The following RORA variants were observed in gnomAD, a reference collection of about 807,000 sequenced individuals.
RORA encodes RAR related orphan receptor A.
Under a neutral mutation model 69.5 loss-of-function variants are expected in RORA, and 7 were observed. That is an observed-to-expected ratio of 0.10 (90% CI 0.06 to 0.19). The LOEUF is 0.19. Among genes scored for constraint, RORA ranks in the 10% least tolerant of loss-of-function variants. The pLI, the probability that RORA is intolerant of heterozygous loss-of-function variation, is 1.00. For synonymous variants in RORA, 261 were observed against 240.8 expected, an observed-to-expected ratio of 1.08 and a Z score of -0.78; for missense variants, 457 against 663.0, an observed-to-expected ratio of 0.69 and a Z score of 3.41.
intron 1 of RORA, among the ~76,000 whole-genome samples, chr15:60,881,363 G>A (rs2073678264): frequency 6.6e-6 from 1 of 152,330 alleles, no homozygotes; most frequent in South Asian, 2.1e-4. Context: ...CAGCCCTGCT[G>A]GGACCCAGTG....
intron 3 of RORA, among the ~76,000 whole-genome samples, chr15:60,526,615 A>G (rs1257658139): frequency 1.3e-5 from 2 of 152,256 alleles, no homozygotes; most frequent in Admixed American, 6.5e-5. Context: ...TGTGTATAAC[A>G]GAACCGAAAC....
chr15:60,642,392 A>G (rs900062157), intron 2 of RORA, among the ~76,000 whole-genome samples: 57 of 152,230 alleles, frequency 3.7e-4, no homozygotes, highest in African/African-American at 1.4e-3. Flanking sequence ...ACTGAAAGGC[A>G]GAGTTGGTCC....
chr15:60,504,203 C>T (rs972147836), intron 6 of RORA, among the ~76,000 whole-genome samples: 1 of 152,196 alleles, frequency 6.6e-6, no homozygotes, highest in Non-Finnish European at 1.5e-5. Flanking sequence ...TGTGCACCTA[C>T]TATGAGCTAG....
chr15:61,128,321 A>T lies in RORA; in HGVS notation c.166+100732T>A, dbSNP rs2079160937. ...ATTATTAGCTTACCTTTATTTTTTAAACTGCAAATACAGAAAGAAAAAAAA... is the reference window on the plus strand; with the variant it reads ...ATTATTAGCTTACCTTTATTTTTTATACTGCAAATACAGAAAGAAAAAAAA... On this transcript the variant is annotated intron_variant, in intron 1 of 10. Coordinates refer to ENST00000335670, the MANE Select transcript of RORA (RefSeq NM_134261.3). The surrounding 1 kb of genome is among the most constrained non-coding windows in gnomAD (Gnocchi z 4.5). 1.3e-5 allele frequency among the ~76,000 whole-genome samples: 2 copies of T among 152,120 alleles called. No individual in the cohort carries two copies. The highest frequency in any genetic ancestry group is 2.9e-5 in the Non-Finnish European group (2 of 68,020).
intron 2 of RORA, among the ~76,000 whole-genome samples, chr15:60,587,488 G>A (rs200952586): frequency 6.6e-6 from 1 of 152,126 alleles, no homozygotes; most frequent in Non-Finnish European, 1.5e-5. Flanking sequence ...CTTGTTTCAC[G>A]TTATCAGATG....
chr15:60,853,631 G>A (rs1396556994), intron 1 of RORA, among the ~76,000 whole-genome samples: 1 of 152,188 alleles, frequency 6.6e-6, no homozygotes, highest in African/African-American at 2.4e-5. Context: ...ACCTGGACAG[G>A]CCTTGATACA....
chr15:60,488,887 TA>T lies in RORA; in HGVS notation c.*8567del, dbSNP rs1483295640. On this transcript the variant is annotated 3_prime_UTR_variant, in exon 11 of 11. Transcript: ENST00000335670. ...GAATCAGCATTTCATGTGGTCTTTTTAAATGTGGCTTTAATACTTGGTTGTA... is the reference window on the plus strand; with the variant it reads ...GAATCAGCATTTCATGTGGTCTTTTTAATGTGGCTTTAATACTTGGTTGTA... 6.6e-6 allele frequency: 1 copy of T among 152,260 alleles called. No homozygotes were observed. The highest frequency in any genetic ancestry group is 1.9e-4 in the East Asian group (1 of 5,200). The allele number at this position is 152,260 out of a possible 1,614,324, so 9.4% of individuals were successfully genotyped here. A position where few individuals can be genotyped will look rare whatever the true frequency, so the allele number is the denominator to read the frequency against.
At chr15:60,893,957 T>A (rs1891152478) in intron 1 of RORA, among the ~76,000 whole-genome samples, 1 of 152,180 alleles carries the variant, frequency 6.6e-6, no homozygotes, top group African/African-American at 2.4e-5. Flanking sequence ...TCTGGGCCCC[T>A]TCATCTTCTT....
rs73422074 is a variant in RORA at position 60,570,021 on chromosome 15, G to A, written c.197-38170C>T. Among the ~76,000 whole-genome samples, 996 of 152,280 alleles carry A rather than the reference G, an allele frequency of 6.5e-3. 12 individuals are homozygous for A. The highest frequency in any genetic ancestry group is 0.023 in the African/African-American group (943 of 41,554). ...ATCAGATTAAAAGGATAGGAAAAAC[G>A]AGAGAAAAGTAAGACAATGTGAGCG... On this transcript the variant is annotated intron_variant, in intron 2 of 10. Coordinates refer to ENST00000335670, the MANE Select transcript of RORA (RefSeq NM_134261.3).
rs1220132798 is a variant in RORA, at chr15:60,490,786, G to A, written c.*6669C>T. ...TTTGGAAACAAGAATATTGTTAAAGGTGCCATAAAAATGGACAACACTGAA... is the reference window on the plus strand; with the variant it reads ...TTTGGAAACAAGAATATTGTTAAAGATGCCATAAAAATGGACAACACTGAA... On this transcript the variant is annotated 3_prime_UTR_variant, in exon 11 of 11. Coordinates refer to ENST00000335670, the MANE Select transcript of RORA (RefSeq NM_134261.3). This position sits in a 1 kb window ranked among gnomAD's most constrained non-coding sequence, Gnocchi z 4.1. The A allele has an allele frequency of 6.6e-6, 1 of 152,066 alleles. No individual in the cohort carries two copies. Among genetic ancestry groups the A allele is most frequent in the Non-Finnish European group, 1.5e-5 (1 of 67,992 alleles). 9.4% of individuals were successfully genotyped at this position (152,066 alleles called of 1,614,324 possible).
At chr15:60,779,228 C>T (rs551243576) in intron 1 of RORA, among the ~76,000 whole-genome samples, 1 of 152,296 alleles carries the variant, frequency 6.6e-6, no homozygotes, top group East Asian at 1.9e-4. Context: ...GTCCTAGGAA[C>T]CCAAGGCTCG....
At chr15:60,557,739 T>C (rs1481934517) in intron 2 of RORA, among the ~76,000 whole-genome samples, 2 of 152,198 alleles carry the variant, frequency 1.3e-5, no homozygotes, top group African/African-American at 4.8e-5. Flanking sequence ...ATCTCTGTGA[T>C]CATGTATTTT....
intron 2 of RORA, among the ~76,000 whole-genome samples, chr15:60,549,015 A>G (rs1401039138): frequency 6.6e-6 from 1 of 152,236 alleles, no homozygotes; most frequent in Non-Finnish European, 1.5e-5. Context: ...ACAGTTTAAC[A>G]TGGTCTTGTG....
At chr15:61,225,844 C>T (rs1302169587) in intron 1 of RORA, among the ~76,000 whole-genome samples, 1 of 152,090 alleles carries the variant, frequency 6.6e-6, no homozygotes, top group Non-Finnish European at 1.5e-5. Flanking sequence ...GTTTTTTTTC[C>T]GCTTCATTCC....
chr15:60,959,711 A>C (rs536587535), intron 1 of RORA, among the ~76,000 whole-genome samples: 2 of 152,172 alleles, frequency 1.3e-5, no homozygotes, highest in Non-Finnish European at 2.9e-5. Context: ...TGACACCTTT[A>C]AACACCCTGG....
At chr15:60,961,711 G>A (rs16943393) in intron 1 of RORA, among the ~76,000 whole-genome samples, 1,781 of 152,260 alleles carry the variant, frequency 0.012, 33 homozygotes, top group African/African-American at 0.04. Flanking sequence ...ATATGTTGTC[G>A]ACCTGGCCGG....
chr15:60,856,889 T>G, intron 1 of RORA, among the ~76,000 whole-genome samples: 1 of 152,194 alleles, frequency 6.6e-6, no homozygotes, highest in African/African-American at 2.4e-5. Context: ...GAAGAGAGAT[T>G]CACCAATTGG....
chr15:60,503,983 A>G (rs2065412793), intron 6 of RORA, among the ~76,000 whole-genome samples: 1 of 151,930 alleles, frequency 6.6e-6, no homozygotes, highest in South Asian at 2.1e-4. Flanking sequence ...CTGTATGTTT[A>G]ATAGAGACAG....
chr15:61,011,901 C>CGCTCT (rs1895098924), intron 1 of RORA, among the ~76,000 whole-genome samples: 1 of 152,250 alleles, frequency 6.6e-6, no homozygotes, highest in Non-Finnish European at 1.5e-5. Flanking sequence ...AGAGAGCTTG[C>CGCTCT]GCTCTGTTTT....
Sources: allele counts gnomAD v4.1 joint callset (sites outside exome capture counted in the v4.1 genomes callset), GRCh38; gene constraint gnomAD v4.1.1; non-coding constraint Gnocchi (gnomAD v3.1); transcripts MANE v1.5; gene names NCBI Gene and HGNC (gene_info 2026-07-23, HGNC 2026-07-21).